CDYL2: variants seen among roughly 807,000 people sequenced by gnomAD.
CDYL2 encodes chromodomain Y like 2, also known as chromodomain Y-like protein 2.
In CDYL2, 23 loss-of-function variants were observed where a neutral mutation model predicts 49.4. The ratio of observed to expected loss-of-function variants is 0.47; its 90% CI spans 0.34 to 0.66. The LOEUF is 0.66. Among genes scored for constraint, CDYL2 ranks in the 30% least tolerant of loss-of-function variants. The probability of loss-of-function intolerance (pLI) is 0.01; values close to 1 mark genes in which losing one functional copy is unlikely to be tolerated. For missense variants in CDYL2, 678 were observed against 656.4 expected (o/e 1.03, Z -0.36); for synonymous variants, 360 against 268.8 (o/e 1.34, Z -3.32).
intron 2 of CDYL2, among the ~76,000 whole-genome samples, chr16:80,636,746 A>G (rs1428704996): frequency 5.3e-5 from 8 of 152,224 alleles, no homozygotes; most frequent in Non-Finnish European, 2.9e-5. Flanking sequence ...ATGAAGACAC[A>G]TGCACACGTA....
rs774247771 is a variant in CDYL2, at chr16:80,601,962, G to A, written c.*2426C>T. The A allele has an allele frequency of 2.0e-5, 3 of 152,174 alleles. No individual in the cohort carries two copies. Among genetic ancestry groups the A allele is most frequent in the Non-Finnish European group, 2.9e-5 (2 of 68,032 alleles). 9.4% of individuals were successfully genotyped at this position (152,174 alleles called of 1,614,324 possible). On this transcript the variant is annotated 3_prime_UTR_variant, in exon 7 of 7. Transcript: ENST00000570137. Reference sequence around the variant, plus strand: ...TTCTTTCAAGCAGGGAATGAAGGTGGACACTGATCTAAAGGAATTTCTAAA... The same window carrying A: ...TTCTTTCAAGCAGGGAATGAAGGTGAACACTGATCTAAAGGAATTTCTAAA...
rs1296220045 is a variant in CDYL2, at chr16:80,612,680, G to C, written c.1164C>G (p.Leu388=). 7.4e-6 allele frequency: 12 copies of C among 1,613,148 alleles called. No individual in the cohort carries two copies. The highest frequency in any genetic ancestry group is 1.7e-5 in the Admixed American group (1 of 59,984). ...TGTAGGAGGAGCAGCCAGCAGGCGTGAGGCGGATGGTGGCGTAGGGCGTCT... is the reference window on the plus strand; with the variant it reads ...TGTAGGAGGAGCAGCCAGCAGGCGTCAGGCGGATGGTGGCGTAGGGCGTCT... ...WFQTPYATIR[L]TPAGCSSYTF... Residue 388 remains leucine (L), a synonymous_variant, in exon 5 of 7, where the codon CTC becomes CTG. Coordinates refer to ENST00000570137, the MANE Select transcript of CDYL2 (RefSeq NM_152342.4). The surrounding 1 kb of genome is among the most constrained non-coding windows in gnomAD (Gnocchi z 5.0).
intron 2 of CDYL2, among the ~76,000 whole-genome samples, chr16:80,675,289 T>C (rs148553536): frequency 6.6e-6 from 1 of 152,360 alleles, no homozygotes; most frequent in East Asian, 1.9e-4. Context: ...CTCTCAGTGC[T>C]GTGTCTTACC....
Position 80,739,498 on chromosome 16 carries a change from G to C in CDYL2, c.25-54369C>G, listed in dbSNP as rs9924240. Among the ~76,000 whole-genome samples the C allele has an allele frequency of 4.3e-3, 657 of 152,292 alleles. 5 individuals are homozygous for C. The highest frequency in any genetic ancestry group is 0.015 in the African/African-American group (633 of 41,564). On this transcript the variant is annotated intron_variant, in intron 1 of 6. Coordinates refer to ENST00000570137, the MANE Select transcript of CDYL2 (RefSeq NM_152342.4). Reference sequence around the variant, plus strand: ...AAGAAATGTCAGTGGGAAGGAGGGAGAAATTTGGAGGTGTCATAGGACAAA... The same window carrying C: ...AAGAAATGTCAGTGGGAAGGAGGGACAAATTTGGAGGTGTCATAGGACAAA...
At position 80,793,530 on chromosome 16, in the gene CDYL2, G is replaced by T. The variant is rs575697513; in HGVS notation, c.24+10620C>A. 2.6e-5 allele frequency among the ~76,000 whole-genome samples: 4 copies of T among 152,338 alleles called. No individual in the cohort carries two copies. The East Asian group carries it at 7.7e-4, about 29-fold the overall frequency. ...GCAGGAAGGCTAAGGTGGCCTGGAA[G>T]CATAGGTTTCAAACATTTTCAACCA... On this transcript the variant is annotated intron_variant, in intron 1 of 6. Coordinates refer to ENST00000570137, the MANE Select transcript of CDYL2 (RefSeq NM_152342.4).
intron 2 of CDYL2, among the ~76,000 whole-genome samples, chr16:80,658,850 G>C (rs1006222612): frequency 6.6e-6 from 1 of 151,768 alleles, no homozygotes; most frequent in Non-Finnish European, 1.5e-5. Flanking sequence ...TATACTTTGG[G>C]CTAGAAAATC....
chr16:80,783,938 T>C (rs1450865553), intron 1 of CDYL2, among the ~76,000 whole-genome samples: 1 of 152,210 alleles, frequency 6.6e-6, no homozygotes, highest in Non-Finnish European at 1.5e-5. Flanking sequence ...CGGTTTCCGC[T>C]ACATAAAAAA....
intron 1 of CDYL2, among the ~76,000 whole-genome samples, chr16:80,801,794 A>G (rs1907934990): frequency 6.6e-6 from 1 of 152,240 alleles, no homozygotes; most frequent in African/African-American, 2.4e-5. Flanking sequence ...TCAGAAATAT[A>G]TATGCTAATG....
Position 80,711,369 on chromosome 16 carries a change from G to A in CDYL2, c.25-26240C>T, listed in dbSNP as rs115634105. 7.5e-3 allele frequency among the ~76,000 whole-genome samples: 1,139 copies of A among 152,344 alleles called. 10 individuals carry two copies. The highest frequency in any genetic ancestry group is 0.026 in the African/African-American group (1,071 of 41,574). On this transcript the variant is annotated intron_variant, in intron 1 of 6. Coordinates refer to ENST00000570137, the MANE Select transcript of CDYL2 (RefSeq NM_152342.4). ...GCCCAATCTCCCAGGCAGGGAAGCA[G>A]ACGTTGACAGCTTGTGGAGGGCTGC...
chr16:80,653,357 T>G (rs918268942), intron 2 of CDYL2, among the ~76,000 whole-genome samples: 1 of 152,056 alleles, frequency 6.6e-6, no homozygotes, highest in African/African-American at 2.4e-5. Context: ...CCCAGCTACT[T>G]GGAAGTCTGA....
At chr16:80,764,350 T>C (rs977207200) in intron 1 of CDYL2, among the ~76,000 whole-genome samples, 1 of 152,088 alleles carries the variant, frequency 6.6e-6, no homozygotes, top group African/African-American at 2.4e-5. Flanking sequence ...GAAAAAGAGA[T>C]ATGGGAAAAC....
At chr16:80,731,081 GC>G (rs1471781363) in intron 1 of CDYL2, among the ~76,000 whole-genome samples, 1 of 152,092 alleles carries the variant, frequency 6.6e-6, no homozygotes, top group Admixed American at 6.5e-5. Flanking sequence ...CAAATGTTAT[GC>G]TTTAAATATG....
chr16:80,771,820 TTAAGACAAA>T (rs1200789710), intron 1 of CDYL2, among the ~76,000 whole-genome samples: 5 of 152,030 alleles, frequency 3.3e-5, no homozygotes, highest in African/African-American at 1.2e-4. Flanking sequence ...AGAAAGAGTT[TTAAGACAAA>T]CTAGACACTA....
intron 2 of CDYL2, among the ~76,000 whole-genome samples, chr16:80,669,791 T>C (rs1368404195): frequency 1.3e-5 from 2 of 152,134 alleles, no homozygotes; most frequent in Non-Finnish European, 2.9e-5. Flanking sequence ...ACAAGGAGCC[T>C]CCAAAAATGA....
At chr16:80,800,584 T>A (rs1428768995) in intron 1 of CDYL2, among the ~76,000 whole-genome samples, 1 of 151,372 alleles carries the variant, frequency 6.6e-6, no homozygotes, top group East Asian at 1.9e-4. Flanking sequence ...CAAAAAAAAA[T>A]GGATAGTTGT....
At chr16:80,660,108 G>T (rs778737189) in intron 2 of CDYL2, among the ~76,000 whole-genome samples, 13 of 151,776 alleles carry the variant, frequency 8.6e-5, no homozygotes, top group Non-Finnish European at 1.9e-4. Flanking sequence ...GCATTTAAAG[G>T]ACCACATAAA....
At chr16:80,698,523 G>C (rs1018001975) in intron 1 of CDYL2, among the ~76,000 whole-genome samples, 1 of 152,060 alleles carries the variant, frequency 6.6e-6, no homozygotes, top group Non-Finnish European at 1.5e-5. Flanking sequence ...CTGTGTCCTT[G>C]CCCAAATCTC....
Position 80,633,236 on chromosome 16 carries a change from C to A in CDYL2, c.617G>T (p.Gly206Val). ...CAATCCCCCGTTGGTCAGAGCAGAG[C>A]CTTCCAAAACCAGATAAACAATGTA... ...NHATLAENGL[G>V]SALTNGGLNL... The change falls in exon 3 of 7, where the codon GGC becomes GTC. Residue 206 changes from glycine to valine, a missense_variant and splice_region_variant. Around this residue, in one of 3 missense-constraint regions of CDYL2, gnomAD observed 478 missense variants for 427.0 expected, o/e 1.12. Transcript: ENST00000570137. The A allele has an allele frequency of 1.2e-6, 2 of 1,610,280 alleles. No homozygotes were observed. Among genetic ancestry groups the A allele is most frequent in the Non-Finnish European group, 1.7e-6 (2 of 1,176,876 alleles).
chr16:80,700,025 G>A lies in CDYL2; in HGVS notation c.25-14896C>T, dbSNP rs575420696. 7.4e-4 allele frequency among the ~76,000 whole-genome samples: 112 copies of A among 152,242 alleles called. 3 individuals carry two copies. In the South Asian group the frequency reaches 0.022, roughly 30 times the overall value. ...TGGGACTACAGGTGCCTGCAACCAC[G>A]CCTGGCTGATTTTTTAGTAGAGACG... On this transcript the variant is annotated intron_variant, in intron 1 of 6. Coordinates refer to ENST00000570137, the MANE Select transcript of CDYL2 (RefSeq NM_152342.4).
Sources: gnomAD v4.1 joint callset for allele counts (sites outside exome capture counted in the v4.1 genomes callset) on GRCh38, gnomAD v4.1.1 for gene constraint, gnomAD v4.1.1 regional missense constraint, Gnocchi (gnomAD v3.1) non-coding constraint, MANE v1.5 for transcripts, NCBI Gene and HGNC (gene_info 2026-07-23, HGNC 2026-07-21) for gene names.